CNOT6L: variants seen among roughly 807,000 people sequenced by gnomAD.
CNOT6L encodes CCR4-NOT transcription complex subunit 6 like, also known as CCR4-NOT transcription complex subunit 6-like.
CNOT6L carries 7 observed loss-of-function variants against 64.0 expected under a neutral mutation model. That is an observed-to-expected ratio of 0.11 (90% CI 0.06 to 0.21). The LOEUF is 0.21. Among genes scored for constraint, CNOT6L ranks in the 10% least tolerant of loss-of-function variants. The pLI is 1.00. For missense variants in CNOT6L, 245 were observed against 669.0 expected, an observed-to-expected ratio of 0.37 and a Z score of 6.99; for synonymous variants, 193 against 243.4, an observed-to-expected ratio of 0.79 and a Z score of 1.93.
intron 1 of CNOT6L, among the ~76,000 whole-genome samples, chr4:77,787,774 A>T (rs1729621809): frequency 6.6e-6 from 1 of 152,258 alleles, no homozygotes; most frequent in Admixed American, 6.5e-5. Context: ...CATATAAGTT[A>T]TTTACCTAAC....
chr4:77,772,496 T>C (rs1229566882), intron 4 of CNOT6L, among the ~76,000 whole-genome samples: 2 of 151,982 alleles, frequency 1.3e-5, no homozygotes, highest in Non-Finnish European at 2.9e-5. Flanking sequence ...TTAAATTATC[T>C]CTTCTGAGAA....
At position 77,810,394 on chromosome 4, in the gene CNOT6L, T is replaced by G. The variant is rs1038741470; in HGVS notation, c.5+8910A>C. Reference sequence around the variant, plus strand: ...CTTGTAAAAACAAAGCCATTGATGCTGAAATGTTTAGGGTGGGAGAATGTC... The same window carrying G: ...CTTGTAAAAACAAAGCCATTGATGCGGAAATGTTTAGGGTGGGAGAATGTC... On this transcript the variant is annotated intron_variant, in intron 1 of 11. Coordinates refer to ENST00000504123, the MANE Select transcript of CNOT6L (RefSeq NM_144571.3). Among the ~76,000 whole-genome samples the G allele has an allele frequency of 9.2e-5, 14 of 152,316 alleles. No individual in the cohort carries two copies. The South Asian group carries it at 2.9e-3, about 32-fold the overall frequency.
intron 8 of CNOT6L, among the ~76,000 whole-genome samples, chr4:77,741,388 A>G (rs954804283): frequency 1.3e-5 from 2 of 152,198 alleles, no homozygotes; most frequent in African/African-American, 2.4e-5. Flanking sequence ...GTAAGCATGT[A>G]TATGCTTATC....
chr4:77,738,855 T>A (rs1274636268), intron 8 of CNOT6L, among the ~76,000 whole-genome samples: 1 of 152,086 alleles, frequency 6.6e-6, no homozygotes, highest in Non-Finnish European at 1.5e-5. Flanking sequence ...TATAAAATGC[T>A]TTGGAACGTA....
intron 1 of CNOT6L, among the ~76,000 whole-genome samples, chr4:77,807,277 A>AG (rs1256428932): frequency 9.8e-5 from 1 of 10,234 alleles, no homozygotes; most frequent in Non-Finnish European, 1.1e-3. Context: ...ACTCCATCTC[A>AG]AAAAAAAAAA....
intron 1 of CNOT6L, 78 bp from the exon 2 acceptor site, chr4:77,776,470 T>C (rs931719615): frequency 1.0e-6 from 1 of 984,900 alleles, no homozygotes; most frequent in African/African-American, 1.7e-5. Flanking sequence ...GATGGTAAAC[T>C]CCTTTTCTCT....
chr4:77,819,445 A>T, upstream of CNOT6L: 1 of 1,561,096 alleles, frequency 6.4e-7, no homozygotes. Flanking sequence ...ACGCAGACGC[A>T]AACACAAACA....
intron 4 of CNOT6L, among the ~76,000 whole-genome samples, chr4:77,758,935 T>C (rs1725859617): frequency 6.6e-6 from 1 of 152,064 alleles, no homozygotes; most frequent in Admixed American, 6.5e-5. Flanking sequence ...TCTCTAGACT[T>C]TGACATCAAG....
intron 10 of CNOT6L, 130 bp from the exon 11 acceptor site, chr4:77,726,499 G>A (rs531593482): frequency 1.2e-5 from 7 of 588,282 alleles, no homozygotes; most frequent in African/African-American, 1.9e-5. Context: ...ATATAAAACT[G>A]CCTTTTGTTG....
At chr4:77,758,350 T>A (rs1712560614) in intron 4 of CNOT6L, among the ~76,000 whole-genome samples, 1 of 151,976 alleles carries the variant, frequency 6.6e-6, no homozygotes, top group African/African-American at 2.4e-5. Flanking sequence ...AGAAAATCAG[T>A]CATCAAGAAA....
In CNOT6L at chr4:77,819,349, GC is replaced by G; in HGVS notation, c.-42del. ...CAGAAGCAACAGCAGCCATTTCCCC[GC>G]GGCAGGGGAAACACACACACAAACA... On this transcript the variant is annotated 5_prime_UTR_variant, in exon 1 of 12. Coordinates refer to ENST00000504123, the MANE Select transcript of CNOT6L (RefSeq NM_144571.3). 1 of 1,612,838 alleles carries G rather than the reference GC, an allele frequency of 6.2e-7. No individual in the cohort carries two copies. The highest frequency in any genetic ancestry group is 8.5e-7 in the Non-Finnish European group (1 of 1,179,440).
chr4:77,819,375 ACGCGCG>A (rs747058020), upstream of CNOT6L: 17 of 1,569,314 alleles, frequency 1.1e-5, no homozygotes, highest in Non-Finnish European at 1.5e-5. Flanking sequence ...ACACACAAAC[ACGCGCG>A]CGCGCGCGCA....
chr4:77,754,902 A>AAAAAAAAAAAC, intron 5 of CNOT6L, among the ~76,000 whole-genome samples: 1 of 146,252 alleles, frequency 6.8e-6, no homozygotes, highest in Non-Finnish European at 1.5e-5. Context: ...AAAAAAAAAA[A>AAAAAAAAAAAC]AAAAAAAAAA....
chr4:77,713,530 AT>A lies in CNOT6L; in HGVS notation c.*6900del. 1 of 152,696 alleles carries A rather than the reference AT, an allele frequency of 6.5e-6. No homozygotes were observed. The highest frequency in any genetic ancestry group is 6.5e-5 in the Admixed American group (1 of 15,272). The allele number at this position is 152,696 out of a possible 1,614,324, so 9.5% of individuals were successfully genotyped here. A position where few individuals can be genotyped will look rare whatever the true frequency, so the allele number is the denominator to read the frequency against. On this transcript the variant is annotated 3_prime_UTR_variant, in exon 12 of 12. Coordinates refer to ENST00000504123, the MANE Select transcript of CNOT6L (RefSeq NM_144571.3). Reference sequence around the variant, plus strand: ...TAACCAATCTCCAAAATGGAAAAAAATATTTTGTTATCTGACATAGTAGTTA... The same window carrying A: ...TAACCAATCTCCAAAATGGAAAAAAAATTTTGTTATCTGACATAGTAGTTA...
chr4:77,783,889 A>AAATTTATTAAATATATTAATATTT, intron 1 of CNOT6L, among the ~76,000 whole-genome samples: 1 of 148,880 alleles, frequency 6.7e-6, no homozygotes, highest in East Asian at 1.9e-4. Flanking sequence ...TAAATATATT[A>AAATTTATTAAATATATTAATATTT]AATTTATTAA....
At chr4:77,819,185 C>T in intron 1 of CNOT6L, 119 bp downstream of exon 1, 1 of 1,601,612 alleles carries the variant, frequency 6.2e-7, no homozygotes, top group South Asian at 1.1e-5. Flanking sequence ...TCCCCGCCCG[C>T]CAAAGTCCCA....
At chr4:77,796,207 A>C (rs1438931360) in intron 1 of CNOT6L, among the ~76,000 whole-genome samples, 1 of 152,156 alleles carries the variant, frequency 6.6e-6, no homozygotes, top group Non-Finnish European at 1.5e-5. Flanking sequence ...ATATATATGG[A>C]AATTCCAAGG....
intron 1 of CNOT6L, among the ~76,000 whole-genome samples, chr4:77,814,342 C>A (rs1459552968): frequency 6.6e-6 from 1 of 152,048 alleles, no homozygotes; most frequent in Non-Finnish European, 1.5e-5. Context: ...CTGAGTTGTA[C>A]AATTTAAATG....
chr4:77,716,224 A>C lies in CNOT6L; in HGVS notation c.*4207T>G, dbSNP rs911061458. ...ATGAGTGCTATTTTGAAAATGTGCC[A>C]TAAAGTCTTTGCTTGCTATAAAAAC... On this transcript the variant is annotated 3_prime_UTR_variant, in exon 12 of 12. Transcript: ENST00000504123. 6.6e-6 allele frequency: 1 copy of C among 152,124 alleles called. No homozygotes were observed. Among genetic ancestry groups the C allele is most frequent in the Non-Finnish European group, 1.5e-5 (1 of 67,992 alleles). The allele number at this position is 152,124 out of a possible 1,614,324, so 9.4% of individuals were successfully genotyped here.
Sources: allele counts gnomAD v4.1 joint callset (sites outside exome capture counted in the v4.1 genomes callset), GRCh38; gene constraint gnomAD v4.1.1; transcripts MANE v1.5; gene names NCBI Gene and HGNC (gene_info 2026-07-23, HGNC 2026-07-21).